The following NEDD4 variants were observed in gnomAD, a reference collection of about 807,000 sequenced individuals.
The protein encoded by NEDD4 is E3 ubiquitin-protein ligase NEDD4.
Under a neutral mutation model 144.9 loss-of-function variants are expected in NEDD4, and 99 were observed. That is an observed-to-expected ratio of 0.68 (90% CI 0.58 to 0.81). The LOEUF is 0.81. Ranked by LOEUF, NEDD4 falls within the 30% of genes least tolerant of loss-of-function variation. The probability of loss-of-function intolerance (pLI) is 0.00; values close to 1 mark genes in which losing one functional copy is unlikely to be tolerated. For synonymous variants in NEDD4, 318 were observed against 350.6 expected (o/e 0.91, Z 1.04); for missense variants, 985 against 1,065.9 (o/e 0.92, Z 1.06).
At chr15:55,983,504 TCTA>T (rs749845519) in intron 1 of NEDD4, among the ~76,000 whole-genome samples, 9,378 of 152,244 alleles carry the variant, frequency 0.062, 375 homozygotes, top group East Asian at 0.16. Context: ...TCAATGGGGT[TCTA>T]TTGCCCCACT....
Position 55,869,698 on chromosome 15 carries a change from A to G in NEDD4, c.405-17T>C, listed in dbSNP as rs758056330. The stretch of plus-strand genomic sequence containing the variant: ...GATTTGTGACTGTAGAAAAGAAAAT[A>G]AATATTCATAAAACTTTAACACCGG... On this transcript the variant is annotated splice_polypyrimidine_tract_variant and intron_variant, in intron 7 of 28. Coordinates refer to ENST00000435532, the MANE Select transcript of NEDD4 (RefSeq NM_006154.4). The G allele has an allele frequency of 7.1e-7, 1 of 1,415,108 alleles. No homozygotes were observed. The highest frequency in any genetic ancestry group is 9.7e-7 in the Non-Finnish European group (1 of 1,029,400). 87.7% of individuals were successfully genotyped at this position (1,415,108 alleles called of 1,614,324 possible). A position where few individuals can be genotyped will look rare whatever the true frequency, so the allele number is the denominator to read the frequency against.
intron 2 of NEDD4, among the ~76,000 whole-genome samples, chr15:55,958,592 C>T (rs1334064685): frequency 6.6e-6 from 1 of 151,980 alleles, no homozygotes; most frequent in African/African-American, 2.4e-5. Flanking sequence ...TAGCTGCATC[C>T]AGTGATATCA....
intron 11 of NEDD4, 97 bp downstream of exon 11, chr15:55,860,310 A>G (rs2034348032): frequency 7.9e-7 from 1 of 1,266,014 alleles, no homozygotes; most frequent in African/African-American, 1.5e-5. Context: ...ATATTATTGC[A>G]TTTAAGACAA....
chr15:55,871,062 TCTC>T (rs1164436030), intron 7 of NEDD4, among the ~76,000 whole-genome samples: 1 of 152,188 alleles, frequency 6.6e-6, no homozygotes, highest in East Asian at 1.9e-4. Flanking sequence ...TTTTAGCTCT[TCTC>T]TGTATGGTTC....
intron 14 of NEDD4, among the ~76,000 whole-genome samples, chr15:55,850,044 C>T (rs1396597353): frequency 2.0e-5 from 3 of 152,106 alleles, no homozygotes; most frequent in African/African-American, 7.2e-5. Context: ...CGTGATCTCC[C>T]CCCTCGGCCT....
chr15:55,965,453 C>G (rs1224703950), intron 2 of NEDD4, among the ~76,000 whole-genome samples: 3 of 152,124 alleles, frequency 2.0e-5, no homozygotes, highest in African/African-American at 7.2e-5. Context: ...CTGTCTGCCT[C>G]AGTCTCCCAA....
At chr15:55,923,081 G>C (rs2036599078) in intron 5 of NEDD4, among the ~76,000 whole-genome samples, 2 of 151,988 alleles carry the variant, frequency 1.3e-5, no homozygotes, top group Admixed American at 1.3e-4. Context: ...CTACTTGGAA[G>C]GCTGAGGCAG....
intron 26 of NEDD4, 128 bp downstream of exon 26, chr15:55,833,910 T>C: frequency 1.5e-6 from 1 of 685,486 alleles, no homozygotes; most frequent in East Asian, 2.7e-5. Flanking sequence ...TCAAAGATAA[T>C]TTTTTCTGGT....
At chr15:55,958,214 T>G (rs1032900933) in intron 2 of NEDD4, among the ~76,000 whole-genome samples, 2 of 152,238 alleles carry the variant, frequency 1.3e-5, no homozygotes, top group Admixed American at 6.5e-5. Flanking sequence ...TTATGTTAGT[T>G]TGCTGAGAGG....
chr15:55,848,462 T>C, intron 16 of NEDD4, 32 bp from the exon 17 acceptor site: 15 of 1,613,238 alleles, frequency 9.3e-6, no homozygotes, highest in Non-Finnish European at 1.3e-5. Flanking sequence ...AAGATGTACT[T>C]TCTCACACAT....
intron 4 of NEDD4, among the ~76,000 whole-genome samples, chr15:55,940,790 G>A (rs185464930): frequency 1.3e-5 from 2 of 151,734 alleles, no homozygotes; most frequent in African/African-American, 4.8e-5. Flanking sequence ...TCGAAGTGCT[G>A]GTATTATAGG....
chr15:55,946,748 T>C (rs2037122900), intron 4 of NEDD4, among the ~76,000 whole-genome samples: 1 of 152,128 alleles, frequency 6.6e-6, no homozygotes, highest in Admixed American at 6.5e-5. Context: ...ATTGACCACA[T>C]AGTTGGAAGT....
intron 24 of NEDD4, 44 bp downstream of exon 24, chr15:55,837,745 T>A: frequency 6.9e-7 from 1 of 1,448,252 alleles, no homozygotes; most frequent in Non-Finnish European, 9.7e-7. Flanking sequence ...ACTTATAGGT[T>A]ATACTGTGAC....
intron 4 of NEDD4, among the ~76,000 whole-genome samples, chr15:55,946,947 C>T (rs1229804306): frequency 3.9e-5 from 6 of 152,194 alleles, no homozygotes; most frequent in African/African-American, 1.4e-4. Flanking sequence ...CAAAGATGTT[C>T]TTTGAAACCA....
chr15:55,886,640 C>T, intron 5 of NEDD4, among the ~76,000 whole-genome samples: 1 of 151,820 alleles, frequency 6.6e-6, no homozygotes, highest in Admixed American at 6.6e-5. Flanking sequence ...GGTCTGTAGT[C>T]CCAGCTACTC....
chr15:55,931,614 AT>A (rs1300217765), intron 4 of NEDD4, among the ~76,000 whole-genome samples: 5 of 152,234 alleles, frequency 3.3e-5, no homozygotes, highest in African/African-American at 7.2e-5. Flanking sequence ...TTGCCAAAAA[AT>A]ATCCAGTTTT....
chr15:55,921,185 T>C (rs2036562864), intron 5 of NEDD4, among the ~76,000 whole-genome samples: 1 of 152,146 alleles, frequency 6.6e-6, no homozygotes, highest in Admixed American at 6.5e-5. Context: ...AGGGCAAATA[T>C]TGTTGTCCTC....
At chr15:55,970,755 G>A (rs1230517889) in intron 1 of NEDD4, among the ~76,000 whole-genome samples, 1 of 152,182 alleles carries the variant, frequency 6.6e-6, no homozygotes, top group Non-Finnish European at 1.5e-5. Context: ...CTCACATATG[G>A]CTTCAGTGAC....
At chr15:55,844,810 T>A (rs1308428167) in intron 18 of NEDD4, among the ~76,000 whole-genome samples, 2 of 148,356 alleles carry the variant, frequency 1.3e-5, no homozygotes, top group Admixed American at 6.7e-5. Flanking sequence ...GTTTTCAATT[T>A]TTTTTTTTTT....
Sources: gnomAD v4.1 joint callset for allele counts (sites outside exome capture counted in the v4.1 genomes callset) on GRCh38, gnomAD v4.1.1 for gene constraint, MANE v1.5 for transcripts, NCBI Gene and HGNC (gene_info 2026-07-23, HGNC 2026-07-21) for gene names.